The following CCDC171 variants were observed in gnomAD, a reference collection of about 807,000 sequenced individuals.
The protein encoded by CCDC171 is coiled-coil domain-containing protein 171.
A neutral mutation model predicts 168.2 loss-of-function variants in CCDC171; 177 were observed. The observed-to-expected ratio is 1.05, with a 90% CI of 0.93 to 1.19. The LOEUF is 1.19. Among genes scored for constraint, CCDC171 ranks in the 50% most tolerant of loss-of-function variants. The pLI is 0.00. For missense variants in CCDC171, 1,991 were observed against 1,539.0 expected (o/e 1.29, Z -4.91); for synonymous variants, 687 against 540.8 (o/e 1.27, Z -3.75).
intron 21 of CCDC171, among the ~76,000 whole-genome samples, chr9:15,799,796 A>G (rs1401687229): frequency 7.2e-5 from 11 of 151,994 alleles, no homozygotes; most frequent in African/African-American, 2.4e-4. Context: ...GCCTCTGGTA[A>G]CCATCCTTCT....
intron 3 of CCDC171, among the ~76,000 whole-genome samples, chr9:15,993,950 A>C (rs1262329880): frequency 1.3e-5 from 2 of 152,220 alleles, no homozygotes; most frequent in Non-Finnish European, 2.9e-5. Context: ...GGTGATGGAT[A>C]GGTTGTGGAG....
chr9:15,790,005 T>G (rs1190447915), intron 21 of CCDC171, among the ~76,000 whole-genome samples: 1 of 152,192 alleles, frequency 6.6e-6, no homozygotes, highest in Non-Finnish European at 1.5e-5. Context: ...CTATCATGGT[T>G]GGACATTTGG....
chr9:15,945,091 C>G (rs1007964051), intron 25 of CCDC171, among the ~76,000 whole-genome samples: 11 of 150,388 alleles, frequency 7.3e-5, no homozygotes, highest in Non-Finnish European at 1.5e-4. Context: ...CATGTGTTCT[C>G]ATTGTTCAAT....
intron 11 of CCDC171, among the ~76,000 whole-genome samples, chr9:15,700,852 C>T (rs1032047565): frequency 6.6e-6 from 1 of 151,974 alleles, no homozygotes; most frequent in African/African-American, 2.4e-5. Context: ...TACATTCCCA[C>T]CAACAATGTA....
intron 20 of CCDC171, among the ~76,000 whole-genome samples, chr9:15,781,528 C>G (rs1018791676): frequency 2.6e-5 from 4 of 152,142 alleles, no homozygotes; most frequent in Non-Finnish European, 4.4e-5. Context: ...AGGAATTCTC[C>G]TGCCTCAGCA....
intron 3 of CCDC171, among the ~76,000 whole-genome samples, chr9:15,991,851 C>T (rs1000491595): frequency 1.3e-5 from 2 of 152,146 alleles, no homozygotes; most frequent in Non-Finnish European, 2.9e-5. Flanking sequence ...AATTCCTGGA[C>T]ACATACACCC....
intron 16 of CCDC171, among the ~76,000 whole-genome samples, chr9:15,743,764 G>A (rs538707209): frequency 4.6e-5 from 7 of 152,316 alleles, no homozygotes; most frequent in Admixed American, 4.6e-4. Context: ...TTGAGAGACA[G>A]TGCCTTCTCA....
At chr9:15,781,387 A>G (rs1474348036) in intron 20 of CCDC171, among the ~76,000 whole-genome samples, 2 of 152,076 alleles carry the variant, frequency 1.3e-5, no homozygotes, top group African/African-American at 4.8e-5. Flanking sequence ...ATAGCATAGT[A>G]ATTGAGGGAA....
At chr9:15,601,087 G>T (rs1391499740) in intron 6 of CCDC171, among the ~76,000 whole-genome samples, 2 of 152,156 alleles carry the variant, frequency 1.3e-5, no homozygotes, top group Non-Finnish European at 2.9e-5. Context: ...GCCTCCTGGG[G>T]GAGGCGATGC....
chr9:15,721,682 C>T (rs1318221744), intron 11 of CCDC171, 87 bp from the exon 12 acceptor site: 9 of 552,496 alleles, frequency 1.6e-5, no homozygotes, highest in East Asian at 3.2e-5. Flanking sequence ...TCAGCTCTAC[C>T]TAATTGTAGT....
intron 25 of CCDC171, among the ~76,000 whole-genome samples, chr9:15,950,403 C>T (rs998763301): frequency 2.6e-5 from 4 of 152,056 alleles, no homozygotes; most frequent in Non-Finnish European, 5.9e-5. Context: ...AAGAGAAGCC[C>T]ATCAGACTAA....
chr9:16,064,895 C>T (rs1833975217), downstream of CCDC171, among the ~76,000 whole-genome samples: 1 of 152,228 alleles, frequency 6.6e-6, no homozygotes, highest in South Asian at 2.1e-4. Flanking sequence ...TACTTATGGC[C>T]TTTCCTGTAG....
intron 12 of CCDC171, among the ~76,000 whole-genome samples, chr9:15,722,691 C>T (rs1208046604): frequency 1.5e-4 from 23 of 152,226 alleles, no homozygotes; most frequent in Admixed American, 1.3e-3. Flanking sequence ...TGCCATAAAA[C>T]GGTTACATTT....
chr9:15,588,501 A>G, intron 4 of CCDC171: 1 of 322,338 alleles, frequency 3.1e-6, no homozygotes. Flanking sequence ...GAAGGGAGAA[A>G]AGGTACCCAA....
chr9:15,633,015 A>G (rs1304122820), intron 7 of CCDC171, among the ~76,000 whole-genome samples: 1 of 152,246 alleles, frequency 6.6e-6, no homozygotes, highest in African/African-American at 2.4e-5. Context: ...TTACACAAAA[A>G]TTAATTCAAG....
At chr9:15,963,233 A>G (rs1830509393) in intron 25 of CCDC171, among the ~76,000 whole-genome samples, 2 of 152,202 alleles carry the variant, frequency 1.3e-5, no homozygotes, top group African/African-American at 2.4e-5. Context: ...CTAATGTTAA[A>G]TGATGGGTTA....
At chr9:15,617,379 G>GT (rs767843005) in intron 6 of CCDC171, among the ~76,000 whole-genome samples, 1,712 of 138,756 alleles carry the variant, frequency 0.012, 29 homozygotes, top group African/African-American at 0.037. Context: ...TTGTGGGAGG[G>GT]TTTTTTTTTT....
At chr9:15,643,206 C>A (rs1211343033) in intron 7 of CCDC171, among the ~76,000 whole-genome samples, 3 of 151,954 alleles carry the variant, frequency 2.0e-5, no homozygotes. Flanking sequence ...GGGCTATTTC[C>A]TTGTGACTGG....
rs1554714819 is a variant in CCDC171, at chr9:15,623,469, G to GCACACACACACA, written c.822+57_822+58insACACACACACAC. 3.6e-5 allele frequency: 19 copies of GCACACACACACA among 529,916 alleles called. No homozygotes were observed. The East Asian group carries it at 4.0e-4, about 11-fold the overall frequency. 32.8% of individuals were successfully genotyped at this position (529,916 alleles called of 1,614,324 possible). A position where few individuals can be genotyped will look rare whatever the true frequency, so the allele number is the denominator to read the frequency against. ...TGCGTACAAACTTTCACATATGCGCGCGCGCGCACACACACACACACACAC... is the reference window on the plus strand; with the variant it reads ...TGCGTACAAACTTTCACATATGCGCGCACACACACACACGCGCGCACACACACACACACACAC... On this transcript the variant is annotated intron_variant, in intron 7 of 25. Transcript: ENST00000380701.
Sources: gnomAD v4.1 joint callset for allele counts (sites outside exome capture counted in the v4.1 genomes callset) on GRCh38, gnomAD v4.1.1 for gene constraint, MANE v1.5 for transcripts, NCBI Gene and HGNC (gene_info 2026-07-23, HGNC 2026-07-21) for gene names.